The following SMYD3 variants were observed in gnomAD, a reference collection of about 807,000 sequenced individuals.
The protein encoded by SMYD3 is histone-lysine N-methyltransferase SMYD3.
In SMYD3, 36 loss-of-function variants were observed where a neutral mutation model predicts 57.7. The observed-to-expected ratio is 0.62, with a 90% CI of 0.48 to 0.82. The LOEUF is 0.82. Among genes scored for constraint, SMYD3 ranks in the 40% least tolerant of loss-of-function variants. The pLI, the probability that SMYD3 is intolerant of heterozygous loss-of-function variation, is 0.00. For synonymous variants in SMYD3, 211 were observed against 195.0 expected (o/e 1.08, Z -0.68); for missense variants, 515 against 538.8 (o/e 0.96, Z 0.44).
At chr1:246,343,195 T>C (rs979607522) in intron 2 of SMYD3, among the ~76,000 whole-genome samples, 2 of 152,216 alleles carry the variant, frequency 1.3e-5, no homozygotes, top group Non-Finnish European at 2.9e-5. Context: ...ATGACTTAAT[T>C]GATAGTTTGG....
At position 245,996,508 on chromosome 1, in the gene SMYD3, C is replaced by G. The variant is rs560648259; in HGVS notation, c.532-66571G>C. ...AAAACTGAACAAATAGACACATACT[C>G]ATTAGGCCAGGACCACATCTATCAA... On this transcript the variant is annotated intron_variant, in intron 5 of 11. Coordinates refer to ENST00000490107, the MANE Select transcript of SMYD3 (RefSeq NM_001167740.2). 5.9e-5 allele frequency among the ~76,000 whole-genome samples: 9 copies of G among 152,328 alleles called. No individual in the cohort carries two copies. The South Asian group carries it at 1.9e-3, about 32-fold the overall frequency.
At chr1:245,948,704 C>G (rs1218478649) in intron 5 of SMYD3, among the ~76,000 whole-genome samples, 1 of 152,196 alleles carries the variant, frequency 6.6e-6, no homozygotes, top group Non-Finnish European at 1.5e-5. Context: ...CCACCACAGC[C>G]ACTGCTGGCT....
At chr1:245,930,426 G>A in intron 5 of SMYD3, 1 of 332,850 alleles carries the variant, frequency 3.0e-6, no homozygotes, top group Non-Finnish European at 5.8e-6. Context: ...CCTGTCGTCT[G>A]ATGCGTGTTG....
intron 7 of SMYD3, among the ~76,000 whole-genome samples, chr1:245,916,485 A>G (rs2055430211): frequency 6.6e-6 from 1 of 152,200 alleles, no homozygotes. Context: ...CATCTCGGCT[A>G]GAGCATTCTC....
At chr1:246,103,286 T>A (rs2147943877) in intron 5 of SMYD3, among the ~76,000 whole-genome samples, 1 of 152,328 alleles carries the variant, frequency 6.6e-6, no homozygotes, top group Non-Finnish European at 1.5e-5. Flanking sequence ...TTATTTCTTA[T>A]ACTCTCATTC....
At chr1:246,047,460 C>G (rs905862318) in intron 5 of SMYD3, among the ~76,000 whole-genome samples, 1 of 152,146 alleles carries the variant, frequency 6.6e-6, no homozygotes, top group African/African-American at 2.4e-5. Context: ...GCATCTCCAC[C>G]TGTGGAAAAA....
At chr1:246,385,843 T>C (rs2066468096) in intron 1 of SMYD3, among the ~76,000 whole-genome samples, 1 of 152,162 alleles carries the variant, frequency 6.6e-6, no homozygotes, top group Non-Finnish European at 1.5e-5. Context: ...TTCCAGGTGA[T>C]GCTGATGCCT....
intron 5 of SMYD3, among the ~76,000 whole-genome samples, chr1:246,090,945 G>C (rs988360725): frequency 4.6e-5 from 7 of 152,114 alleles, no homozygotes; most frequent in African/African-American, 1.4e-4. Flanking sequence ...CTTCATACTG[G>C]GAACCTCGTC....
At chr1:246,463,319 A>G (rs2067829727) in intron 1 of SMYD3, among the ~76,000 whole-genome samples, 1 of 152,194 alleles carries the variant, frequency 6.6e-6, no homozygotes, top group African/African-American at 2.4e-5. Flanking sequence ...GCTGAAATCA[A>G]CAGGATTGCA....
chr1:245,907,002 T>C (rs1218863300), intron 8 of SMYD3, among the ~76,000 whole-genome samples: 1 of 152,200 alleles, frequency 6.6e-6, no homozygotes, highest in African/African-American at 2.4e-5. Context: ...ATTTGTGGTA[T>C]CCAAAAATCA....
At chr1:246,346,900 ATAAT>A (rs985930421) in intron 2 of SMYD3, among the ~76,000 whole-genome samples, 5 of 152,212 alleles carry the variant, frequency 3.3e-5, no homozygotes, top group African/African-American at 1.2e-4. Context: ...TTAAAAAACT[ATAAT>A]TAATATGCTA....
chr1:246,154,567 T>A (rs902011239), intron 5 of SMYD3, among the ~76,000 whole-genome samples: 2 of 152,164 alleles, frequency 1.3e-5, no homozygotes, highest in African/African-American at 4.8e-5. Context: ...AGAATAGTAA[T>A]TAACATTTAG....
chr1:246,189,532 T>C (rs1004246601), intron 5 of SMYD3, among the ~76,000 whole-genome samples: 6 of 152,170 alleles, frequency 3.9e-5, no homozygotes, highest in Non-Finnish European at 7.4e-5. Context: ...AAGGGACATA[T>C]AAGACAAAAT....
chr1:246,372,623 C>T (rs2066210718), intron 1 of SMYD3, among the ~76,000 whole-genome samples: 2 of 152,182 alleles, frequency 1.3e-5, no homozygotes, highest in African/African-American at 2.4e-5. Flanking sequence ...GTAATCCCAG[C>T]ACTTTGGGTG....
chr1:245,760,638 G>A (rs966060826), intron 11 of SMYD3, among the ~76,000 whole-genome samples: 3 of 152,134 alleles, frequency 2.0e-5, no homozygotes, highest in South Asian at 2.1e-4. Context: ...AGAACTTGCC[G>A]TATTGGGGGC....
intron 10 of SMYD3, among the ~76,000 whole-genome samples, chr1:245,825,532 A>G (rs1558391811): frequency 6.6e-6 from 1 of 152,052 alleles, no homozygotes; most frequent in Non-Finnish European, 1.5e-5. Context: ...TTCAGGCTGG[A>G]AGGGGCTCAC....
At chr1:246,491,277 C>T (rs2068265304) in intron 1 of SMYD3, among the ~76,000 whole-genome samples, 1 of 152,178 alleles carries the variant, frequency 6.6e-6, no homozygotes. Flanking sequence ...GTGGATCACG[C>T]CTGTAATCCC....
intron 5 of SMYD3, among the ~76,000 whole-genome samples, chr1:246,165,327 G>A (rs553156868): frequency 6.6e-6 from 1 of 152,332 alleles, no homozygotes; most frequent in South Asian, 2.1e-4. Context: ...AAGAGGTGGA[G>A]CAAAGGCATT....
intron 5 of SMYD3, among the ~76,000 whole-genome samples, chr1:246,170,402 C>T (rs898420727): frequency 2.8e-5 from 4 of 144,292 alleles, no homozygotes; most frequent in African/African-American, 9.9e-5. Flanking sequence ...ACCACTCCCA[C>T]ACTCATTACT....
Sources: allele counts gnomAD v4.1 joint callset (sites outside exome capture counted in the v4.1 genomes callset), GRCh38; gene constraint gnomAD v4.1.1; transcripts MANE v1.5; gene names NCBI Gene and HGNC (gene_info 2026-07-23, HGNC 2026-07-21).